The following NIN variants were observed in gnomAD, a reference collection of about 807,000 sequenced individuals.
NIN encodes the protein glycogen synthase kinase 3 beta-interacting protein.
In NIN, 137 loss-of-function variants were observed where a neutral mutation model predicts 257.6. The observed-to-expected ratio is 0.53, with a 90% CI of 0.46 to 0.61. The LOEUF is 0.61. Among genes scored for constraint, NIN ranks in the 20% least tolerant of loss-of-function variants. The pLI, the probability that NIN is intolerant of heterozygous loss-of-function variation, is 0.00. For synonymous variants in NIN, 918 were observed against 919.8 expected, an observed-to-expected ratio of 1.00 and a Z score of 0.04; for missense variants, 2,439 against 2,501.2, an observed-to-expected ratio of 0.98 and a Z score of 0.53.
Position 50,729,614 on chromosome 14 carries a change from T to C in NIN, c.5987A>G (p.Gln1996Arg), listed in dbSNP as rs1177288529. The change falls in exon 29 of 31, where the codon CAG becomes CGG. Residue 1996 changes from glutamine (Q) to arginine (R), a missense_variant. Gln to Arg is a conservative substitution (Grantham distance 43, BLOSUM62 1). Transcript: ENST00000530997. ...TGCCTGCAGCAGCTGGCGTTGAAGC[T>C]GCAGAAACTGCTCCCTGGGCACCAT... Reference protein sequence around the residue: ...CPMVPREQFLQLQRQLLQAER... With the variant: ...CPMVPREQFLRLQRQLLQAER... 1 of 1,614,004 alleles carries C rather than the reference T, an allele frequency of 6.2e-7. No homozygotes were observed. Among genetic ancestry groups the C allele is most frequent in the Non-Finnish European group, 8.5e-7 (1 of 1,180,010 alleles).
intron 3 of NIN, among the ~76,000 whole-genome samples, chr14:50,814,468 A>G (rs1285040395): frequency 6.6e-6 from 1 of 152,230 alleles, no homozygotes; most frequent in Non-Finnish European, 1.5e-5. Context: ...GTCCACCTTC[A>G]TCACAGTCTT....
chr14:50,735,052 A>C (rs2040909505), intron 28 of NIN, among the ~76,000 whole-genome samples: 1 of 152,206 alleles, frequency 6.6e-6, no homozygotes, highest in African/African-American at 2.4e-5. Flanking sequence ...AAATGTAGTA[A>C]TGAAGAATAG....
rs932968587 is a variant in NIN, at chr14:50,773,168, T to C, written c.667-73A>G. 7 of 1,176,998 alleles carry C rather than the reference T, an allele frequency of 5.9e-6. No homozygotes were observed. The South Asian group carries it at 8.1e-5, about 14-fold the overall frequency. 72.9% of individuals were successfully genotyped at this position (1,176,998 alleles called of 1,614,324 possible). On this transcript the variant is annotated intron_variant, in intron 7 of 30. Transcript: ENST00000530997. Reference sequence around the variant, plus strand: ...AGGCCCAAAGTATACTTCCGGCCAGTAGTAATCAGTACCATGGTTGGTCCC... The same window carrying C: ...AGGCCCAAAGTATACTTCCGGCCAGCAGTAATCAGTACCATGGTTGGTCCC...
In NIN at chr14:50,757,668, T is replaced by C; in HGVS notation, c.3362A>G (p.Glu1121Gly). The C allele has an allele frequency of 1.2e-6, 2 of 1,614,180 alleles. No individual in the cohort carries two copies. Among genetic ancestry groups the C allele is most frequent in the African/African-American group, 2.7e-5 (2 of 75,048 alleles). ...PATEFFGNTA[E>G]QTEQFLQQNR... ...TTGCTGTAAAAACTGCTCTGTTTGT[T>C]CCGCAGTATTTCCAAAAAACTCAGT... The change falls in exon 18 of 31, where the codon GAA becomes GGA. Residue 1121 changes from glutamate (E) to glycine (G), a missense_variant. Glu to Gly is a moderately conservative substitution (Grantham distance 98, BLOSUM62 -2). Coordinates refer to ENST00000530997, the MANE Select transcript of NIN (RefSeq NM_020921.4).
At chr14:50,755,247 T>C (rs2041967885) in intron 18 of NIN, among the ~76,000 whole-genome samples, 1 of 152,200 alleles carries the variant, frequency 6.6e-6, no homozygotes, top group African/African-American at 2.4e-5. Context: ...TACAAAGCTA[T>C]ATTAGCTTAG....
chr14:50,742,752 A>C (rs2041350783), intron 24 of NIN, among the ~76,000 whole-genome samples: 1 of 152,136 alleles, frequency 6.6e-6, no homozygotes, highest in Non-Finnish European at 1.5e-5. Flanking sequence ...ATAAATTCCA[A>C]TTTTAAAAAT....
At chr14:50,741,528 T>C in intron 25 of NIN, 54 bp downstream of exon 25, 2 of 1,529,304 alleles carry the variant, frequency 1.3e-6, no homozygotes, top group Non-Finnish European at 1.8e-6. Context: ...TGTCCTAAGA[T>C]TTGTATACTT....
intron 15 of NIN, among the ~76,000 whole-genome samples, 163 bp from the exon 16 acceptor site, chr14:50,762,074 C>G (rs2042295541): frequency 6.6e-6 from 1 of 152,154 alleles, no homozygotes; most frequent in African/African-American, 2.4e-5. Context: ...AGTCTTTTCT[C>G]TTTTCAAGCG....
chr14:50,801,122 G>A (rs1310134061), intron 4 of NIN, among the ~76,000 whole-genome samples: 6 of 119,256 alleles, frequency 5.0e-5, no homozygotes, highest in Admixed American at 3.3e-4. Flanking sequence ...ACAGAGTCTC[G>A]CTTTGTCACT....
intron 20 of NIN, among the ~76,000 whole-genome samples, chr14:50,753,684 A>G (rs896863827): frequency 9.2e-5 from 14 of 152,178 alleles, no homozygotes; most frequent in Non-Finnish European, 1.5e-5. Context: ...GTTTCAACAG[A>G]TATCTCTAAT....
chr14:50,809,851 A>G (rs1267570260), intron 3 of NIN, among the ~76,000 whole-genome samples: 1 of 152,178 alleles, frequency 6.6e-6, no homozygotes, highest in Non-Finnish European at 1.5e-5. Context: ...TATGGAGTTT[A>G]TTTCACAGCC....
intron 5 of NIN, among the ~76,000 whole-genome samples, chr14:50,790,621 C>G (rs2043549731): frequency 6.6e-6 from 1 of 152,158 alleles, no homozygotes; most frequent in African/African-American, 2.4e-5. Context: ...CTCCGGGCCT[C>G]TATTTGCAGT....
At chr14:50,806,586 G>A in intron 4 of NIN, 151 bp downstream of exon 4, 1 of 518,642 alleles carries the variant, frequency 1.9e-6, no homozygotes, top group Non-Finnish European at 3.4e-6. Flanking sequence ...AAGCTTTTAT[G>A]ATAATATTGA....
chr14:50,763,788 G>A (rs536120185), intron 15 of NIN, 38 bp downstream of exon 15: 1 of 1,583,090 alleles, frequency 6.3e-7, no homozygotes, highest in African/African-American at 1.3e-5. Flanking sequence ...AAAAACAAGA[G>A]TAAAGGCTTT....
chr14:50,818,820 G>A (rs183179435), intron 3 of NIN, among the ~76,000 whole-genome samples: 2 of 151,830 alleles, frequency 1.3e-5, no homozygotes, highest in Admixed American at 1.3e-4. Flanking sequence ...GGGGGAAAAT[G>A]ACCTATTGGT....
intron 6 of NIN, among the ~76,000 whole-genome samples, chr14:50,778,158 AAATT>A (rs926870058): frequency 1.3e-5 from 2 of 152,314 alleles, no homozygotes; most frequent in African/African-American, 4.8e-5. Flanking sequence ...ATGCATTTTT[AAATT>A]AATTAATTAA....
rs539913591 is a variant in NIN, at chr14:50,771,124, G to C, written c.1119-132C>G. ...AACCAAAACCCTCCCAAAGCAAAAA[G>C]GCACTCCACCCTTCCCTTCAAAAGC... On this transcript the variant is annotated intron_variant, in intron 10 of 30. Transcript: ENST00000530997. 4 of 1,213,274 alleles carry C rather than the reference G, an allele frequency of 3.3e-6. No homozygotes were observed. The East Asian group carries it at 9.9e-5, about 30-fold the overall frequency. The allele number at this position is 1,213,274 out of a possible 1,614,324, so 75.2% of individuals were successfully genotyped here. A position where few individuals can be genotyped will look rare whatever the true frequency, so the allele number is the denominator to read the frequency against.
chr14:50,727,478 T>C (rs1304707800), intron 29 of NIN: 2 of 1,189,044 alleles, frequency 1.7e-6, no homozygotes, highest in African/African-American at 3.1e-5. Flanking sequence ...CTGATGTTTG[T>C]GAATTTGATT....
In NIN at chr14:50,721,428, T is replaced by C. The variant is rs1279486351; in HGVS notation, c.*2035A>G. ...ACCGTGATCACATGCTAAGGCCAGCTATCTGGGAAATATTATTGTTCAGTT... is the reference window on the plus strand; with the variant it reads ...ACCGTGATCACATGCTAAGGCCAGCCATCTGGGAAATATTATTGTTCAGTT... On this transcript the variant is annotated 3_prime_UTR_variant, in exon 31 of 31. Transcript: ENST00000530997. 4.6e-6 allele frequency: 1 copy of C among 215,696 alleles called. No homozygotes were observed. Among genetic ancestry groups the C allele is most frequent in the African/African-American group, 2.3e-5 (1 of 44,402 alleles). 13.4% of individuals were successfully genotyped at this position (215,696 alleles called of 1,614,324 possible). A position where few individuals can be genotyped will look rare whatever the true frequency, so the allele number is the denominator to read the frequency against.
Sources: gnomAD v4.1 joint callset for allele counts (sites outside exome capture counted in the v4.1 genomes callset) on GRCh38, gnomAD v4.1.1 for gene constraint, MANE v1.5 for transcripts, NCBI Gene and HGNC (gene_info 2026-07-23, HGNC 2026-07-21) for gene names.